PCM1: variants seen among roughly 807,000 people sequenced by gnomAD.
PCM1 encodes pericentriolar material 1 protein.
Under a neutral mutation model 241.9 loss-of-function variants are expected in PCM1, and 157 were observed. The ratio of observed to expected loss-of-function variants is 0.65; its 90% CI spans 0.57 to 0.74. PCM1 has a LOEUF of 0.74. Among genes scored for constraint, PCM1 ranks in the 30% least tolerant of loss-of-function variants. PCM1 has a pLI of 0.00. For synonymous variants in PCM1, 1,085 were observed against 784.9 expected (o/e 1.38, Z -6.39); for missense variants, 3,478 against 2,360.1 (o/e 1.47, Z -9.81).
chr8:17,957,518 T>G, intron 12 of PCM1, 22 bp from the exon 13 acceptor site: 1 of 1,603,432 alleles, frequency 6.2e-7, no homozygotes, highest in Non-Finnish European at 8.5e-7. Context: ...TTACTGGTTT[T>G]AATTATACAT....
At chr8:17,948,723 T>A (rs920345353) in intron 7 of PCM1, among the ~76,000 whole-genome samples, 3 of 152,224 alleles carry the variant, frequency 2.0e-5, no homozygotes, top group Admixed American at 6.5e-5. Flanking sequence ...AGCTTTTATA[T>A]TTAGGAAACA....
intron 30 of PCM1, 60 bp downstream of exon 30, chr8:18,006,457 G>C (rs1407310383): frequency 3.0e-5 from 36 of 1,191,386 alleles, no homozygotes; most frequent in Non-Finnish European, 4.4e-5. Flanking sequence ...TTTTTTTTCG[G>C]GGGGTGGGTG....
At chr8:18,014,492 C>A in intron 35 of PCM1, 92 bp from the exon 36 acceptor site, 1 of 982,400 alleles carries the variant, frequency 1.0e-6, no homozygotes, top group Non-Finnish European at 1.4e-6. Context: ...ATCTTGATTG[C>A]TCTTATTCAG....
rs1184346319 is a variant in PCM1, at chr8:18,029,390, AG to A, written c.*1729del. 1 of 214,580 alleles carries A rather than the reference AG, an allele frequency of 4.7e-6. No individual in the cohort carries two copies. Among genetic ancestry groups the A allele is most frequent in the Non-Finnish European group, 9.3e-6 (1 of 107,836 alleles). The allele number at this position is 214,580 out of a possible 1,614,324, so 13.3% of individuals were successfully genotyped here. On this transcript the variant is annotated 3_prime_UTR_variant, in exon 39 of 39. Coordinates refer to ENST00000325083, the MANE Select transcript of PCM1 (RefSeq NM_006197.4). Reference sequence around the variant, plus strand: ...TAACTTCAGGGAAATTGGAACAATAAGTTATGTTACATGCACACTCAAATTC... The same window carrying A: ...TAACTTCAGGGAAATTGGAACAATAATTATGTTACATGCACACTCAAATTC...
intron 36 of PCM1, among the ~76,000 whole-genome samples, chr8:18,021,165 C>T (rs1277748993): frequency 6.6e-6 from 1 of 152,172 alleles, no homozygotes; most frequent in Non-Finnish European, 1.5e-5. Context: ...AAATTTCATG[C>T]TCAACAAGGA....
At chr8:17,930,146 C>G (rs1485276823) in intron 2 of PCM1, among the ~76,000 whole-genome samples, 1 of 149,296 alleles carries the variant, frequency 6.7e-6, no homozygotes, top group Non-Finnish European at 1.5e-5. Flanking sequence ...CTCTTCCGCC[C>G]AGGCCGGAGT....
chr8:17,932,993 A>G (rs1251371824), intron 2 of PCM1, among the ~76,000 whole-genome samples: 1 of 152,114 alleles, frequency 6.6e-6, no homozygotes, highest in East Asian at 1.9e-4. Flanking sequence ...GAAAGTAGTG[A>G]CTCAAACGAT....
intron 4 of PCM1, among the ~76,000 whole-genome samples, chr8:17,937,865 C>T (rs76391621): frequency 0.012 from 1,760 of 152,186 alleles, 38 homozygotes; most frequent in African/African-American, 0.04. Flanking sequence ...ATCTATATGT[C>T]ATAGAGACAC....
At chr8:17,971,014 A>G (rs145319748) in intron 22 of PCM1, among the ~76,000 whole-genome samples, 14 of 152,316 alleles carry the variant, frequency 9.2e-5, no homozygotes, top group African/African-American at 2.9e-4. Context: ...TATCATAGCC[A>G]TTCATCTGTG....
At chr8:17,965,175 G>T (rs935211412) in intron 18 of PCM1, among the ~76,000 whole-genome samples, 1 of 152,184 alleles carries the variant, frequency 6.6e-6, no homozygotes, top group Non-Finnish European at 1.5e-5. Flanking sequence ...GGTTGGGGAG[G>T]TGTGCAGAGC....
Position 17,956,686 on chromosome 8 carries a change from G to A in PCM1, c.1555G>A (p.Asp519Asn), listed in dbSNP as rs2068651952. The change falls in exon 11 of 39, where the codon GAT (aspartate) becomes AAT (asparagine). Residue 519 changes from aspartate to asparagine, a missense_variant. Coordinates refer to ENST00000325083, the MANE Select transcript of PCM1 (RefSeq NM_006197.4). The part of the protein sequence containing the change: ...YYEQTSDMMT[D>N]AVNENRKDEE... The stretch of plus-strand genomic sequence containing the variant: ...TGAACAAACGTCAGACATGATGACA[G>A]ATGCTGTGAATGAAAACAGGAAAGA... 6.2e-7 allele frequency: 1 copy of A among 1,601,586 alleles called. No individual in the cohort carries two copies. The highest frequency in any genetic ancestry group is 8.5e-7 in the Non-Finnish European group (1 of 1,170,766).
intron 10 of PCM1, 26 bp from the exon 11 acceptor site, chr8:17,956,578 G>T (rs2285306): frequency 0.16 from 229,983 of 1,447,814 alleles, 21,071 homozygotes; most frequent in East Asian, 0.39. Flanking sequence ...GGTGTAAATC[G>T]TATACATAAA....
intron 6 of PCM1, among the ~76,000 whole-genome samples, chr8:17,941,533 T>G (rs902564120): frequency 2.1e-4 from 32 of 151,410 alleles, no homozygotes; most frequent in African/African-American, 6.0e-4. Flanking sequence ...TTTGTTTTTT[T>G]TTTTTTTTAA....
At chr8:17,975,454 C>T (rs1009933650) in intron 23 of PCM1, among the ~76,000 whole-genome samples, 8 of 152,096 alleles carry the variant, frequency 5.3e-5, no homozygotes, top group Non-Finnish European at 1.2e-4. Context: ...TGAGCCACAG[C>T]GCCCGACCAA....
chr8:18,017,494 C>T (rs1383144036), intron 36 of PCM1, among the ~76,000 whole-genome samples: 1 of 152,136 alleles, frequency 6.6e-6, no homozygotes, highest in Non-Finnish European at 1.5e-5. Flanking sequence ...AAAGAGTCTC[C>T]ACGCTTGACC....
intron 6 of PCM1, among the ~76,000 whole-genome samples, chr8:17,943,876 A>G (rs1586224568): frequency 6.6e-6 from 1 of 152,280 alleles, no homozygotes. Context: ...TGAGGGTCTT[A>G]CATGCGATTC....
intron 8 of PCM1, among the ~76,000 whole-genome samples, chr8:17,951,979 T>C (rs971427097): frequency 1.3e-5 from 2 of 152,048 alleles, no homozygotes; most frequent in Admixed American, 6.5e-5. Context: ...TCCCAGCACT[T>C]TGGGAGGCCG....
In PCM1 at chr8:17,946,832, A is replaced by AGTGTGTGTGTGT. The variant is rs368892136; in HGVS notation, c.784-325_784-314dup. Reference sequence around the variant, plus strand: ...TTTTCTGTAGGGGCCTAGATTCTTCAGTGTGTGTGTGTGTGTGTGTGTGTG... The same window carrying AGTGTGTGTGTGT: ...TTTTCTGTAGGGGCCTAGATTCTTCAGTGTGTGTGTGTGTGTGTGTGTGTGTGTGTGTGTGTG... On this transcript the variant is annotated intron_variant, in intron 6 of 38. Transcript: ENST00000325083. Among the ~76,000 whole-genome samples, 607 of 138,360 alleles carry AGTGTGTGTGTGT rather than the reference A, an allele frequency of 4.4e-3. 5 individuals carry two copies. The highest frequency in any genetic ancestry group is 0.015 in the African/African-American group (549 of 37,656). The allele number at this position is 138,360 out of a possible 152,430, so 90.8% of individuals were successfully genotyped here.
rs747201034 is a variant in PCM1, at chr8:17,969,735, G to A, written c.3571G>A (p.Ala1191Thr). Residue 1191 changes from alanine (A) to threonine (T), a missense_variant, in exon 22 of 39, where the codon GCA becomes ACA. By Grantham distance (58) the Ala-to-Thr change is moderately conservative. Transcript: ENST00000325083. The stretch of plus-strand genomic sequence containing the variant: ...TTTTGAAAGCAGTTCCTCTATTGGA[G>A]CAGAGAAACCAAGGTACTGATTGTA... Reference protein sequence around the residue: ...KPFESSSSIGAEKPRNKKLPE... With the variant: ...KPFESSSSIGTEKPRNKKLPE... 20 of 1,543,540 alleles carry A rather than the reference G, an allele frequency of 1.3e-5. No homozygotes were observed. The highest frequency in any genetic ancestry group is 1.7e-5 in the Non-Finnish European group (19 of 1,150,224).
Sources: gnomAD v4.1 joint callset for allele counts (sites outside exome capture counted in the v4.1 genomes callset) on GRCh38, gnomAD v4.1.1 for gene constraint, MANE v1.5 for transcripts, NCBI Gene and HGNC (gene_info 2026-07-23, HGNC 2026-07-21) for gene names.